PARD3: variants seen among roughly 807,000 people sequenced by gnomAD.
The protein encoded by PARD3 is partitioning defective 3 homolog.
In PARD3, 75 loss-of-function variants were observed where a neutral mutation model predicts 155.4. The observed-to-expected ratio is 0.48, with a 90% CI of 0.40 to 0.58. The LOEUF (loss-of-function observed/expected upper bound fraction) is 0.58. Among genes scored for constraint, PARD3 ranks in the 20% least tolerant of loss-of-function variants. PARD3 has a pLI of 0.00. For missense variants in PARD3, 1,642 were observed against 1,721.7 expected, an observed-to-expected ratio of 0.95 and a Z score of 0.82; for synonymous variants, 576 against 610.5, an observed-to-expected ratio of 0.94 and a Z score of 0.83.
chr10:34,588,662 A>G (rs2088337906), intron 2 of PARD3, among the ~76,000 whole-genome samples: 1 of 152,168 alleles, frequency 6.6e-6, no homozygotes, highest in Non-Finnish European at 1.5e-5. Flanking sequence ...GGGCCACGCA[A>G]TAAATGTCTC....
intron 22 of PARD3, among the ~76,000 whole-genome samples, chr10:34,186,654 G>C (rs1950507866): frequency 1.3e-5 from 2 of 152,144 alleles, no homozygotes; most frequent in Admixed American, 6.5e-5. Context: ...AACAGGAGGA[G>C]GACATAAGCA....
At chr10:34,491,925 G>T (rs1428650018) in intron 3 of PARD3, among the ~76,000 whole-genome samples, 1 of 152,038 alleles carries the variant, frequency 6.6e-6, no homozygotes, top group East Asian at 1.9e-4. Context: ...ATGAAAACAA[G>T]AAAAAGCATC....
At chr10:34,456,057 T>C (rs1340266595) in intron 4 of PARD3, among the ~76,000 whole-genome samples, 1 of 152,192 alleles carries the variant, frequency 6.6e-6, no homozygotes, top group Non-Finnish European at 1.5e-5. Flanking sequence ...TGAAAGAGTA[T>C]GTGTTTATAA....
At chr10:34,558,596 A>G (rs946866225) in intron 2 of PARD3, among the ~76,000 whole-genome samples, 1 of 152,132 alleles carries the variant, frequency 6.6e-6, no homozygotes, top group Non-Finnish European at 1.5e-5. Flanking sequence ...CTTCCCAGAA[A>G]ATGTACACAT....
chr10:34,812,776 C>T (rs963818846), intron 1 of PARD3, among the ~76,000 whole-genome samples: 4 of 152,176 alleles, frequency 2.6e-5, no homozygotes, highest in African/African-American at 4.8e-5. Flanking sequence ...CTCCAACTCC[C>T]ATGTCACTAT....
chr10:34,123,991 A>G (rs1337864489), intron 23 of PARD3, among the ~76,000 whole-genome samples: 1 of 152,204 alleles, frequency 6.6e-6, no homozygotes, highest in Non-Finnish European at 1.5e-5. Flanking sequence ...ACATATACAT[A>G]GAATATTCAA....
chr10:34,336,989 T>A (rs1256843267), intron 17 of PARD3, among the ~76,000 whole-genome samples: 1 of 152,140 alleles, frequency 6.6e-6, no homozygotes, highest in Non-Finnish European at 1.5e-5. Context: ...AACATTTCAT[T>A]TTGTAAAATA....
intron 15 of PARD3, chr10:34,344,034 C>A (rs954597028): frequency 2.1e-6 from 2 of 965,040 alleles, no homozygotes; most frequent in Non-Finnish European, 2.5e-6. Context: ...GTTCTAAATA[C>A]GTCTTCTTAA....
At chr10:34,466,889 G>C (rs1256216393) in intron 4 of PARD3, among the ~76,000 whole-genome samples, 1 of 152,074 alleles carries the variant, frequency 6.6e-6, no homozygotes, top group African/African-American at 2.4e-5. Flanking sequence ...CAGACAGCAA[G>C]ATTAGTATTT....
intron 1 of PARD3, among the ~76,000 whole-genome samples, chr10:34,726,459 A>G (rs2133778735): frequency 6.6e-6 from 1 of 152,246 alleles, no homozygotes; most frequent in African/African-American, 2.4e-5. Flanking sequence ...GGTGGCACAC[A>G]CCCATAATCC....
intron 22 of PARD3, among the ~76,000 whole-genome samples, chr10:34,189,553 C>A (rs1950617505): frequency 6.6e-6 from 1 of 152,140 alleles, no homozygotes; most frequent in Non-Finnish European, 1.5e-5. Flanking sequence ...CTTAGGCATG[C>A]CCTGGATGAG....
chr10:34,213,818 T>C lies in PARD3; in HGVS notation c.3419+55839A>G, dbSNP rs141221637. ...TGTTTCATGTGATAATGACAAACGA[T>C]TGACTTTTTTCTGTTATACATTTTT... is the stretch of plus-strand genomic sequence containing the variant. On this transcript the variant is annotated intron_variant, in intron 22 of 24. Transcript: ENST00000374788. Among the ~76,000 whole-genome samples the C allele has an allele frequency of 2.4e-3, 360 of 152,298 alleles. 2 individuals are homozygous for C. Among genetic ancestry groups the C allele is most frequent in the African/African-American group, 8.0e-3 (334 of 41,564 alleles).
chr10:34,803,549 G>C (rs1843036119), intron 1 of PARD3, among the ~76,000 whole-genome samples: 1 of 152,172 alleles, frequency 6.6e-6, no homozygotes, highest in African/African-American at 2.4e-5. Context: ...TCAGCACTTT[G>C]GGAGGCCAAG....
intron 1 of PARD3, among the ~76,000 whole-genome samples, chr10:34,751,823 G>A (rs915019262): frequency 6.7e-6 from 1 of 149,638 alleles, no homozygotes; most frequent in African/African-American, 2.5e-5. Context: ...GCCCAAGCTG[G>A]TCTCAAACTC....
intron 2 of PARD3, among the ~76,000 whole-genome samples, chr10:34,673,147 C>T (rs1340034650): frequency 6.6e-6 from 1 of 152,076 alleles, no homozygotes; most frequent in Non-Finnish European, 1.5e-5. Context: ...CCGGGAAGCA[C>T]CGGAAGAATT....
intron 2 of PARD3, among the ~76,000 whole-genome samples, chr10:34,630,509 C>A (rs796820616): frequency 3.3e-5 from 5 of 151,078 alleles, no homozygotes; most frequent in African/African-American, 1.2e-4. Flanking sequence ...AGTGCAGTGG[C>A]ACAATCTCAG....
At chr10:34,353,265 T>C (rs1358918215) in intron 14 of PARD3, among the ~76,000 whole-genome samples, 1 of 152,178 alleles carries the variant, frequency 6.6e-6, no homozygotes, top group Non-Finnish European at 1.5e-5. Context: ...AGCAGTTTTG[T>C]CGAGTAGAAA....
intron 22 of PARD3, among the ~76,000 whole-genome samples, chr10:34,220,903 C>T (rs188825658): frequency 3.8e-4 from 58 of 152,248 alleles, no homozygotes; most frequent in Admixed American, 2.1e-3. Context: ...GGGATAGCAG[C>T]GGGAGAGCTA....
intron 1 of PARD3, among the ~76,000 whole-genome samples, chr10:34,783,843 A>G (rs886772084): frequency 6.6e-6 from 1 of 152,044 alleles, no homozygotes; most frequent in Non-Finnish European, 1.5e-5. Context: ...ACTAGACTAT[A>G]TATGTAACAG....
Sources: gnomAD v4.1 joint callset for allele counts (sites outside exome capture counted in the v4.1 genomes callset) on GRCh38, gnomAD v4.1.1 for gene constraint, MANE v1.5 for transcripts, NCBI Gene and HGNC (gene_info 2026-07-23, HGNC 2026-07-21) for gene names.